NAV2: variants seen among roughly 807,000 people sequenced by gnomAD.
NAV2 encodes the protein helicase, APC down-regulated 1.
A neutral mutation model predicts 223.2 loss-of-function variants in NAV2; 54 were observed. That is an observed-to-expected ratio of 0.24 (90% CI 0.19 to 0.30). The LOEUF is 0.30. Ranked by LOEUF, NAV2 falls within the 10% of genes least tolerant of loss-of-function variation. NAV2 has a pLI of 1.00. For missense variants in NAV2, 2,806 were observed against 3,147.5 expected (o/e 0.89, Z 2.60); for synonymous variants, 1,279 against 1,239.3 (o/e 1.03, Z -0.67).
chr11:19,345,374 C>G, the NAV2 span, among the ~76,000 whole-genome samples: 1 of 152,212 alleles, frequency 6.6e-6, no homozygotes, highest in African/African-American at 2.4e-5. This position sits in a 1 kb window ranked among gnomAD's most constrained non-coding sequence, Gnocchi z 5.2. Context: ...GCGGCGGGAC[C>G]GGCCTGGGAA....
chr11:19,989,940 G>A (rs754494000), intron 11 of NAV2, among the ~76,000 whole-genome samples: 8 of 152,162 alleles, frequency 5.3e-5, no homozygotes, highest in Non-Finnish European at 8.8e-5. Flanking sequence ...CCATGGTATC[G>A]TCTCTTCAAA....
chr11:19,564,535 T>C (rs959922576), intron 1 of NAV2, among the ~76,000 whole-genome samples: 1 of 152,136 alleles, frequency 6.6e-6, no homozygotes, highest in Non-Finnish European at 1.5e-5. Flanking sequence ...TTGGCAGAGC[T>C]CTGATCTGGG....
intron 1 of NAV2, among the ~76,000 whole-genome samples, chr11:19,375,474 C>T (rs1848609895): frequency 6.6e-6 from 1 of 152,178 alleles, no homozygotes; most frequent in Admixed American, 6.5e-5. Context: ...ATTTCAATAT[C>T]TACCTCCTCC....
At chr11:20,102,679 G>GCACC (rs1391638489) in intron 32 of NAV2, among the ~76,000 whole-genome samples, 2 of 152,088 alleles carry the variant, frequency 1.3e-5, no homozygotes, top group Non-Finnish European at 2.9e-5. Flanking sequence ...TTCCACTGAT[G>GCACC]CACCATTATT....
intron 1 of NAV2, among the ~76,000 whole-genome samples, chr11:19,391,620 T>C (rs540691888): frequency 6.6e-6 from 1 of 152,228 alleles, no homozygotes; most frequent in African/African-American, 2.4e-5. Context: ...TGGGTGTTGC[T>C]AGTGGCACTG....
chr11:19,370,310 T>C (rs1229820286), intron 1 of NAV2, among the ~76,000 whole-genome samples: 2 of 152,234 alleles, frequency 1.3e-5, no homozygotes, highest in Non-Finnish European at 2.9e-5. Flanking sequence ...TGGACAAGCC[T>C]TTACATTGAG....
rs374114075 is a variant in NAV2, at chr11:19,587,462, C to T, written c.75+236435C>T. On this transcript the variant is annotated intron_variant, in intron 1 of 37. Coordinates refer to the NAV2 transcript ENST00000360655. ...AAACGCAGAAATCACCCATCTTCTG[C>T]GTCGCTCATGCTAGGAACTGTAGAC... is the stretch of plus-strand genomic sequence containing the variant. Among the ~76,000 whole-genome samples the T allele has an allele frequency of 3.7e-3, 564 of 152,278 alleles. 1 individual carries two copies. Among genetic ancestry groups the T allele is most frequent in the South Asian group, 0.022 (108 of 4,822 alleles).
intron 1 of NAV2, among the ~76,000 whole-genome samples, chr11:19,406,846 C>T (rs946953569): frequency 3.9e-5 from 6 of 152,310 alleles, no homozygotes; most frequent in South Asian, 2.1e-4. Context: ...CACCTCTTCT[C>T]CTGACTGCTC....
At chr11:19,761,754 G>A (rs751738716) in intron 1 of NAV2, among the ~76,000 whole-genome samples, 11 of 152,170 alleles carry the variant, frequency 7.2e-5, no homozygotes, top group Non-Finnish European at 1.2e-4. Context: ...CTGATTAGAG[G>A]ACTAATCCTA....
intron 10 of NAV2, chr11:19,979,131 C>T (rs542484970): frequency 5.5e-4 from 84 of 152,310 alleles, no homozygotes; most frequent in African/African-American, 1.9e-3. Context: ...CCCTTCAAGT[C>T]TGGCCAGCTC....
At chr11:19,801,236 T>C (rs779494507) in intron 1 of NAV2, among the ~76,000 whole-genome samples, 6 of 152,186 alleles carry the variant, frequency 3.9e-5, no homozygotes, top group African/African-American at 7.2e-5. Flanking sequence ...CCCATCCCAA[T>C]TTAGGGAATG....
intron 6 of NAV2, 121 bp downstream of exon 6, chr11:19,892,715 C>G (rs1324507068): frequency 1.9e-6 from 2 of 1,069,926 alleles, no homozygotes; most frequent in African/African-American, 3.2e-5. Flanking sequence ...GAATGAGTTA[C>G]AAGGACATAT....
intron 1 of NAV2, among the ~76,000 whole-genome samples, chr11:19,813,190 A>G (rs1834324): frequency 0.97 from 147,251 of 152,162 alleles, 71,443 homozygotes; most frequent in East Asian, 1. Context: ...TCTTTTCAAC[A>G]GAGTCAAGCA....
intron 1 of NAV2, among the ~76,000 whole-genome samples, chr11:19,756,359 G>T (rs1192067565): frequency 1.1e-4 from 17 of 152,200 alleles, no homozygotes. Flanking sequence ...GTCATATTCT[G>T]AGGTTCCAGG....
intron 1 of NAV2, among the ~76,000 whole-genome samples, chr11:19,426,774 T>G (rs1344157950): frequency 1.3e-5 from 2 of 152,092 alleles, no homozygotes; most frequent in Non-Finnish European, 2.9e-5. Context: ...GCAGGAAAAT[T>G]TATGTCTCTC....
At chr11:19,510,487 C>T (rs2043244634) in intron 1 of NAV2, among the ~76,000 whole-genome samples, 1 of 152,204 alleles carries the variant, frequency 6.6e-6, no homozygotes. Context: ...AGGCTCTGTG[C>T]TGAGCCCTTA....
chr11:19,952,535 C>G (rs2047484132), intron 10 of NAV2, among the ~76,000 whole-genome samples: 2 of 152,148 alleles, frequency 1.3e-5, no homozygotes, highest in South Asian at 4.1e-4. Context: ...AGAAATGTAG[C>G]CTTGATGTAT....
At chr11:19,417,797 A>T (rs905688178) in intron 1 of NAV2, among the ~76,000 whole-genome samples, 2 of 152,240 alleles carry the variant, frequency 1.3e-5, no homozygotes, top group Non-Finnish European at 2.9e-5. Context: ...GCCATAAAAA[A>T]GGATGAGTTC....
chr11:19,377,029 G>T (rs1274527260), intron 1 of NAV2, among the ~76,000 whole-genome samples: 1 of 152,192 alleles, frequency 6.6e-6, no homozygotes, highest in Admixed American at 6.5e-5. Context: ...GTGGTAAGGT[G>T]ACCCAGAGAA....
Sources: allele counts gnomAD v4.1 joint callset (sites outside exome capture counted in the v4.1 genomes callset), GRCh38; gene constraint gnomAD v4.1.1; non-coding constraint Gnocchi (gnomAD v3.1); transcripts MANE v1.5; gene names NCBI Gene and HGNC (gene_info 2026-07-23, HGNC 2026-07-21).